GARNL3: variants seen among roughly 807,000 people sequenced by gnomAD.
GARNL3 encodes GTPase activating Rap/RanGAP domain like 3.
GARNL3 carries 63 observed loss-of-function variants against 125.0 expected under a neutral mutation model. The observed-to-expected ratio is 0.50, with a 90% CI of 0.41 to 0.62. The LOEUF (loss-of-function observed/expected upper bound fraction) is 0.62. GARNL3 is among the 20% of genes least tolerant of loss of function. The pLI is 0.00. For synonymous variants in GARNL3, 439 were observed against 457.5 expected (o/e 0.96, Z 0.52); for missense variants, 994 against 1,244.0 (o/e 0.80, Z 3.02).
At chr9:127,268,964 ATACACCACATTTTGT>A (rs1357116419) in intron 1 of GARNL3, among the ~76,000 whole-genome samples, 1 of 152,068 alleles carries the variant, frequency 6.6e-6, no homozygotes, top group Non-Finnish European at 1.5e-5. Flanking sequence ...CGTTGTATTG[ATACACCACATTTTGT>A]TTATCCATTT....
rs757517107 is a variant in GARNL3, at chr9:127,311,683, A to G, written c.267A>G (p.Leu89=). 1 of 1,614,012 alleles carries G rather than the reference A, an allele frequency of 6.2e-7. No homozygotes were observed. Among genetic ancestry groups the G allele is most frequent in the South Asian group, 1.1e-5 (1 of 91,080 alleles). ...PGTWRRTDVH[L]ENPEYHTRWY... ...CTTGGCGAAGAACAGACGTGCACTT[A>G]GAGAACCCAGAATACCACACCAGAT... is the stretch of plus-strand genomic sequence containing the variant. Residue 89 remains leucine (L), a synonymous_variant, in exon 3 of 28, where the codon TTA becomes TTG. Transcript: ENST00000373387.
chr9:127,325,343 G>T (rs1392947923), intron 7 of GARNL3, among the ~76,000 whole-genome samples: 1 of 152,150 alleles, frequency 6.6e-6, no homozygotes. Flanking sequence ...AACATTTAAT[G>T]TGTTAAGCTT....
At chr9:127,343,826 G>A (rs1829995163) in intron 14 of GARNL3, among the ~76,000 whole-genome samples, 1 of 152,156 alleles carries the variant, frequency 6.6e-6, no homozygotes, top group South Asian at 2.1e-4. Context: ...TGCTCAAGGC[G>A]ACCCACAAGG....
rs1832906202 is a variant in GARNL3 at position 127,392,208 on chromosome 9, A to G, written c.2871-875A>G. Among the ~76,000 whole-genome samples, 1 of 152,272 alleles carries G rather than the reference A, an allele frequency of 6.6e-6. No individual in the cohort carries two copies. The highest frequency in any genetic ancestry group is 2.1e-4 in the South Asian group (1 of 4,838). ...ATAACCTGACAAGGCCCCTGCCCTC[A>G]GGGACTTTGCATTCTAGTGTGGGAA... On this transcript the variant is annotated intron_variant, in intron 27 of 27. Coordinates refer to ENST00000373387, the MANE Select transcript of GARNL3 (RefSeq NM_032293.5). This position sits in a 1 kb window ranked among gnomAD's most constrained non-coding sequence, Gnocchi z 5.2.
At chr9:127,327,707 A>G (rs1236768030) in intron 7 of GARNL3, among the ~76,000 whole-genome samples, 1 of 152,122 alleles carries the variant, frequency 6.6e-6, no homozygotes, top group East Asian at 1.9e-4. Flanking sequence ...CTACATTTTT[A>G]TCCGTATTTT....
intron 22 of GARNL3, among the ~76,000 whole-genome samples, chr9:127,369,480 C>A (rs548700621): frequency 6.6e-6 from 1 of 152,172 alleles, no homozygotes; most frequent in Non-Finnish European, 1.5e-5. Flanking sequence ...GACAGAGGCA[C>A]CAGCAAAGTA....
chr9:127,326,730 G>C (rs990921322), intron 7 of GARNL3, among the ~76,000 whole-genome samples: 1 of 152,144 alleles, frequency 6.6e-6, no homozygotes. Flanking sequence ...GGTATTAGGA[G>C]GTGGGGCCTT....
intron 1 of GARNL3, among the ~76,000 whole-genome samples, chr9:127,232,035 T>A (rs940070264): frequency 2.0e-5 from 3 of 152,222 alleles, no homozygotes; most frequent in Non-Finnish European, 4.4e-5. Context: ...TTCTGTTTCT[T>A]ACATCTAAGG....
intron 27 of GARNL3, among the ~76,000 whole-genome samples, chr9:127,391,533 A>AAAAAAAATATATAT: frequency 1.3e-5 from 1 of 75,848 alleles, no homozygotes; most frequent in East Asian, 3.9e-4. Context: ...ACAAAAAAAA[A>AAAAAAAATATATAT]ATATATATAT....
intron 3 of GARNL3, chr9:127,313,217 C>T (rs1360397197): frequency 3.8e-6 from 2 of 524,980 alleles, no homozygotes; most frequent in African/African-American, 3.8e-5. Context: ...TCTCCAGTCT[C>T]ATTGGCCAGA....
At chr9:127,353,796 G>C in intron 17 of GARNL3, 50 bp from the exon 18 acceptor site, 1 of 1,280,230 alleles carries the variant, frequency 7.8e-7, no homozygotes, top group Non-Finnish European at 1.1e-6. Context: ...GTGGGTTCTG[G>C]AAAGCGTGGG....
chr9:127,238,090 G>T (rs147192208), intron 1 of GARNL3, among the ~76,000 whole-genome samples: 379 of 152,248 alleles, frequency 2.5e-3, no homozygotes, highest in African/African-American at 8.7e-3. Context: ...TATGCCAGAC[G>T]AATACCTGCC....
At chr9:127,336,667 G>A (rs2131589156) in intron 11 of GARNL3, among the ~76,000 whole-genome samples, 1 of 152,296 alleles carries the variant, frequency 6.6e-6, no homozygotes, top group South Asian at 2.1e-4. Context: ...ACCATCTCTT[G>A]AAATTTGAGA....
chr9:127,310,056 G>C (rs184737339), intron 2 of GARNL3, among the ~76,000 whole-genome samples: 1 of 152,318 alleles, frequency 6.6e-6, no homozygotes, highest in East Asian at 1.9e-4. Context: ...TATAAGGATT[G>C]AGAATGATAG....
chr9:127,252,904 A>T lies in GARNL3; in HGVS notation c.143+9655A>T, dbSNP rs186214932. 7.2e-5 allele frequency among the ~76,000 whole-genome samples: 11 copies of T among 152,294 alleles called. No individual in the cohort carries two copies. In the East Asian group the frequency reaches 1.9e-3, roughly 27 times the overall value. Reference sequence around the variant, plus strand: ...GAAACATCAATCTCTAGACATGGGGAATGTCATCGTGAACTGACAGCTAGT... The same window carrying T: ...GAAACATCAATCTCTAGACATGGGGTATGTCATCGTGAACTGACAGCTAGT... On this transcript the variant is annotated intron_variant, in intron 2 of 10. Coordinates refer to the GARNL3 transcript ENST00000439286.
Position 127,354,348 on chromosome 9 carries a change from A to AG in GARNL3, c.1701dup (p.Lys568GlufsTer9). On this transcript the variant is annotated frameshift_variant, in exon 19 of 28. Coordinates refer to ENST00000373387, the MANE Select transcript of GARNL3 (RefSeq NM_032293.5). LOFTEE classifies it high-confidence loss of function. ...CTAAGTGCTCTGCAAAAGGGCCTTG[A>AG]GGGGAAGCAGGCTGGGAAGAGCAGG... 6.2e-7 allele frequency: 1 copy of AG among 1,613,898 alleles called. No homozygotes were observed. The highest frequency in any genetic ancestry group is 2.2e-5 in the East Asian group (1 of 44,872).
chr9:127,331,397 G>A (rs1475920811), intron 7 of GARNL3, among the ~76,000 whole-genome samples: 1 of 152,042 alleles, frequency 6.6e-6, no homozygotes, highest in Non-Finnish European at 1.5e-5. Context: ...GGAGGCTGAG[G>A]CAGGGGAATT....
At chr9:127,338,079 T>A (rs781057857) in intron 11 of GARNL3, 37 bp from the exon 12 acceptor site, 1 of 1,503,470 alleles carries the variant, frequency 6.7e-7, no homozygotes, top group Non-Finnish European at 9.3e-7. Flanking sequence ...GTCGTGAGCA[T>A]CAGTGTTGTG....
Position 127,264,804 on chromosome 9 carries a change from C to G in GARNL3, c.-74C>G, listed in dbSNP as rs1233236162. On this transcript the variant is annotated 5_prime_UTR_variant, in exon 1 of 28. Coordinates refer to ENST00000373387, the MANE Select transcript of GARNL3 (RefSeq NM_032293.5). The stretch of plus-strand genomic sequence containing the variant: ...CTGCAATGGCTGCTGGGGACTGTGT[C>G]TGTTGCAAGGAGGCTCCCCTGCAGT... 7.3e-6 allele frequency: 10 copies of G among 1,368,480 alleles called. No individual in the cohort carries two copies. Among genetic ancestry groups the G allele is most frequent in the Non-Finnish European group, 3.8e-6 (4 of 1,049,692 alleles). 84.8% of individuals were successfully genotyped at this position (1,368,480 alleles called of 1,614,324 possible).
Sources: allele counts gnomAD v4.1 joint callset (sites outside exome capture counted in the v4.1 genomes callset), GRCh38; gene constraint gnomAD v4.1.1; non-coding constraint Gnocchi (gnomAD v3.1); transcripts MANE v1.5; gene names NCBI Gene and HGNC (gene_info 2026-07-23, HGNC 2026-07-21).